Variants in GNAO1 observed in about 807,000 individuals in gnomAD.
The protein encoded by GNAO1 is G protein subunit alpha o1.
For missense variants in GNAO1, 166 were observed against 478.7 expected (o/e 0.35, Z 6.10); for synonymous variants, 164 against 180.7 (o/e 0.91, Z 0.74).
At chr16:56,344,903 G>T in intron 6 of GNAO1, 1 of 985,480 alleles carries the variant, frequency 1.0e-6, no homozygotes, top group Non-Finnish European at 1.2e-6. Flanking sequence ...GTGGACTTTT[G>T]CAGCCAGTGC....
chr16:56,225,827 A>G (rs1421048844), intron 2 of GNAO1, among the ~76,000 whole-genome samples: 1 of 152,084 alleles, frequency 6.6e-6, no homozygotes. Flanking sequence ...CGTTGCCAGC[A>G]CTGAGTGCCA....
At chr16:56,344,161 A>C in intron 6 of GNAO1, 1 of 1,434,078 alleles carries the variant, frequency 7.0e-7, no homozygotes, top group Non-Finnish European at 9.1e-7. Context: ...TGCTGAGTGC[A>C]TGCTGCAAGG....
intron 3 of GNAO1, among the ~76,000 whole-genome samples, chr16:56,281,863 A>G (rs1330700789): frequency 6.6e-6 from 1 of 152,244 alleles, no homozygotes; most frequent in Non-Finnish European, 1.5e-5. Flanking sequence ...GCTTTGAACA[A>G]GCCTGTATTA....
chr16:56,210,242 C>A (rs2036374090), intron 2 of GNAO1, among the ~76,000 whole-genome samples: 1 of 152,188 alleles, frequency 6.6e-6, no homozygotes. Context: ...CATGGCTTGA[C>A]AACTTATTTT....
chr16:56,255,276 C>T lies in GNAO1; in HGVS notation c.162-20655C>T, dbSNP rs557376628. ...CACGGTTTCCTGACCAGTTCATTTT[C>T]CCCAGGTCAAGGAAAAATGTTCTGC... On this transcript the variant is annotated intron_variant, in intron 2 of 8. Coordinates refer to ENST00000262493, the MANE Select transcript of GNAO1 (RefSeq NM_020988.3). Among the ~76,000 whole-genome samples, 12 of 152,298 alleles carry T rather than the reference C, an allele frequency of 7.9e-5. No individual in the cohort carries two copies. The South Asian group carries it at 2.3e-3, about 29-fold the overall frequency.
At chr16:56,212,202 G>C (rs2036395544) in intron 2 of GNAO1, among the ~76,000 whole-genome samples, 1 of 152,138 alleles carries the variant, frequency 6.6e-6, no homozygotes, top group African/African-American at 2.4e-5. Flanking sequence ...AAACTTGGAG[G>C]GACATTTACA....
intron 3 of GNAO1, among the ~76,000 whole-genome samples, chr16:56,290,153 C>T (rs1365694292): frequency 6.6e-6 from 1 of 152,178 alleles, no homozygotes; most frequent in Non-Finnish European, 1.5e-5. Context: ...CACTGCTTCC[C>T]TCCCCCAGGC....
intron 2 of GNAO1, among the ~76,000 whole-genome samples, chr16:56,207,866 T>C (rs2036345144): frequency 2.0e-5 from 3 of 152,210 alleles, no homozygotes; most frequent in African/African-American, 4.8e-5. Context: ...TTATATGTTT[T>C]ACAGATTTTT....
intron 2 of GNAO1, among the ~76,000 whole-genome samples, chr16:56,196,145 C>G (rs1199527385): frequency 6.6e-6 from 1 of 152,102 alleles, no homozygotes; most frequent in Non-Finnish European, 1.5e-5. Context: ...TTCCCCCCCC[C>G]TTGTGTGTGT....
At chr16:56,345,953 C>T in intron 6 of GNAO1, 1 of 985,548 alleles carries the variant, frequency 1.0e-6, no homozygotes, top group Non-Finnish European at 1.2e-6. Flanking sequence ...CCAGCAGCCG[C>T]CCTCAGAACA....
chr16:56,330,170 C>T (rs550926724), intron 4 of GNAO1, among the ~76,000 whole-genome samples: 20 of 152,348 alleles, frequency 1.3e-4, no homozygotes, highest in Admixed American at 9.1e-4. Flanking sequence ...CCTAGGCCCC[C>T]GGGCCTGATG....
At chr16:56,265,183 G>A (rs1293733559) in intron 2 of GNAO1, among the ~76,000 whole-genome samples, 10 of 152,334 alleles carry the variant, frequency 6.6e-5, no homozygotes, top group South Asian at 2.1e-4. Flanking sequence ...AATGTCCACC[G>A]TGAGGGGTTT....
At chr16:56,289,167 G>GC (rs1180586221) in intron 3 of GNAO1, among the ~76,000 whole-genome samples, 4 of 152,252 alleles carry the variant, frequency 2.6e-5, no homozygotes, top group Non-Finnish European at 5.9e-5. Context: ...AGCAAAAGCA[G>GC]CCTAGCAGGA....
chr16:56,220,241 A>G (rs773022704), intron 2 of GNAO1, among the ~76,000 whole-genome samples: 23 of 152,112 alleles, frequency 1.5e-4, no homozygotes, highest in Non-Finnish European at 3.2e-4. Flanking sequence ...CTGCTTACAA[A>G]AAAATCACCT....
chr16:56,300,372 G>C (rs189851465), intron 3 of GNAO1, among the ~76,000 whole-genome samples: 1 of 152,314 alleles, frequency 6.6e-6, no homozygotes, highest in Admixed American at 6.5e-5. Context: ...AGTCAAAGTG[G>C]TACCAGCTGG....
intron 2 of GNAO1, among the ~76,000 whole-genome samples, chr16:56,221,378 A>G (rs939644695): frequency 1.3e-5 from 2 of 152,074 alleles, no homozygotes; most frequent in Non-Finnish European, 2.9e-5. Context: ...GGCCAGGTGC[A>G]GTGGTTCAAG....
At chr16:56,318,332 G>C (rs1555506410) in intron 3 of GNAO1, among the ~76,000 whole-genome samples, 1 of 152,164 alleles carries the variant, frequency 6.6e-6, no homozygotes, top group Non-Finnish European at 1.5e-5. Flanking sequence ...GCCAGGCTGG[G>C]CCCCCCCAGC....
chr16:56,253,078 A>G (rs888489014), intron 2 of GNAO1, among the ~76,000 whole-genome samples: 5 of 152,206 alleles, frequency 3.3e-5, no homozygotes, highest in Admixed American at 1.3e-4. Flanking sequence ...CAGCAGCGGC[A>G]GCAGCAGCCA....
At chr16:56,340,569 G>C (rs1369190463) in intron 6 of GNAO1, 1 of 448,340 alleles carries the variant, frequency 2.2e-6, no homozygotes. Flanking sequence ...CCCACCTGGG[G>C]CCAGCTCTCT....
Sources: gnomAD v4.1 joint callset for allele counts (sites outside exome capture counted in the v4.1 genomes callset) on GRCh38, gnomAD v4.1.1 for gene constraint, MANE v1.5 for transcripts, NCBI Gene and HGNC (gene_info 2026-07-23, HGNC 2026-07-21) for gene names.